Variants in AZIN2 observed in about 807,000 individuals in gnomAD.
AZIN2 encodes the protein antizyme inhibitor 2.
A neutral mutation model predicts 47.8 loss-of-function variants in AZIN2; 28 were observed. The observed-to-expected ratio is 0.59, with a 90% CI of 0.43 to 0.80. The LOEUF (loss-of-function observed/expected upper bound fraction) is 0.80. Among genes scored for constraint, AZIN2 ranks in the 30% least tolerant of loss-of-function variants. The pLI, the probability that AZIN2 is intolerant of heterozygous loss-of-function variation, is 0.00. For synonymous variants in AZIN2, 221 were observed against 239.4 expected (o/e 0.92, Z 0.71); for missense variants, 535 against 582.5 (o/e 0.92, Z 0.84).
At chr1:33,101,003 A>G (rs915037625) in intron 10 of AZIN2, among the ~76,000 whole-genome samples, 2 of 152,070 alleles carry the variant, frequency 1.3e-5, no homozygotes, top group African/African-American at 4.8e-5. Flanking sequence ...CTGGGATTAC[A>G]GGTGTGTGCC....
chr1:33,097,580 C>T (rs1643291862), intron 9 of AZIN2, among the ~76,000 whole-genome samples: 1 of 152,172 alleles, frequency 6.6e-6, no homozygotes, highest in Non-Finnish European at 1.5e-5. Flanking sequence ...CGCTTTTCCC[C>T]AGAGAGAATT....
intron 10 of AZIN2, 92 bp downstream of exon 10, chr1:33,098,271 CAT>C (rs547527408): frequency 1.0e-5 from 10 of 957,688 alleles, no homozygotes; most frequent in Non-Finnish European, 1.5e-5. Context: ...AAAAGTCAAA[CAT>C]ATTTATTGTC....
the AZIN2 span, chr1:33,141,922 A>C: frequency 1.3e-5 from 2 of 153,826 alleles, no homozygotes; most frequent in Non-Finnish European, 2.9e-5. Flanking sequence ...ACAAAGAAAA[A>C]TGAACACATT....
the AZIN2 span, among the ~76,000 whole-genome samples, chr1:33,148,678 A>G: frequency 6.6e-6 from 1 of 152,236 alleles, no homozygotes. Flanking sequence ...GTATCTATGT[A>G]CATATACACA....
chr1:33,095,668 G>A (rs1225721953), intron 8 of AZIN2, among the ~76,000 whole-genome samples: 1 of 151,784 alleles, frequency 6.6e-6, no homozygotes, highest in African/African-American at 2.4e-5. Flanking sequence ...TAGGAGCACC[G>A]ACCCCCTACA....
the AZIN2 span, among the ~76,000 whole-genome samples, chr1:33,161,341 T>C: frequency 2.6e-5 from 4 of 152,154 alleles, no homozygotes; most frequent in African/African-American, 9.7e-5. The surrounding 1 kb of genome is among the most constrained non-coding windows in gnomAD (Gnocchi z 4.3). Flanking sequence ...ACACGGGCTA[T>C]AGAAGTGCGG....
At position 33,082,232 on chromosome 1, in the gene AZIN2, C is replaced by G. The variant is rs1316513901; in HGVS notation, c.-18C>G. 1 of 1,608,750 alleles carries G rather than the reference C, an allele frequency of 6.2e-7. No homozygotes were observed. The highest frequency in any genetic ancestry group is 1.3e-5 in the African/African-American group (1 of 74,844). ...GCAGCAGCGGCTCCATCCAGCCCGT[C>G]AGCTCCTCCTGCAAGGCATGGCTGG... is the stretch of plus-strand genomic sequence containing the variant. On this transcript the variant is annotated 5_prime_UTR_variant, in exon 4 of 12. Transcript: ENST00000294517.
the AZIN2 span, chr1:33,146,751 G>A: frequency 9.8e-6 from 2 of 205,022 alleles, no homozygotes; most frequent in East Asian, 2.4e-4. Context: ...CTTGGTCAGG[G>A]GTAAGTCTTA....
the AZIN2 span, among the ~76,000 whole-genome samples, chr1:33,129,084 G>A: frequency 3.3e-5 from 5 of 152,178 alleles, no homozygotes; most frequent in Admixed American, 6.5e-5. This position sits in a 1 kb window ranked among gnomAD's most constrained non-coding sequence, Gnocchi z 4.1. Flanking sequence ...GGGCACTGGC[G>A]TGTACAAGGG....
intron 5 of AZIN2, among the ~76,000 whole-genome samples, chr1:33,085,253 A>G (rs1245777666): frequency 6.6e-6 from 1 of 152,162 alleles, no homozygotes; most frequent in African/African-American, 2.4e-5. Flanking sequence ...AAAAGATGAA[A>G]TAAAGAAAAT....
the AZIN2 span, chr1:33,159,933 C>T: frequency 1.9e-6 from 3 of 1,604,212 alleles, no homozygotes; most frequent in Non-Finnish European, 2.5e-6. This position sits in a 1 kb window ranked among gnomAD's most constrained non-coding sequence, Gnocchi z 4.2. Context: ...TCCGCAGGCT[C>T]TTGGTGGAAG....
the AZIN2 span, among the ~76,000 whole-genome samples, chr1:33,153,283 C>T: frequency 7.2e-5 from 11 of 152,332 alleles, 1 homozygote; most frequent in East Asian, 2.1e-3. Context: ...CCCAGCCAAC[C>T]AGGCTGCTGC....
At chr1:33,124,403 T>TA (rs1557737122), downstream of AZIN2, among the ~76,000 whole-genome samples, 2 of 141,682 alleles carry the variant, frequency 1.4e-5, no homozygotes, top group South Asian at 4.8e-4. The surrounding 1 kb of genome is among the most constrained non-coding windows in gnomAD (Gnocchi z 4.6). Flanking sequence ...GTATTCAAAA[T>TA]AAAAAAAAGA....
rs575429406 is a variant in AZIN2, at chr1:33,121,392, G to A, written c.*1210G>A. 8.2e-4 allele frequency among the ~76,000 whole-genome samples: 125 copies of A among 152,104 alleles called. 1 individual carries two copies. The highest frequency in any genetic ancestry group is 1.4e-3 in the Non-Finnish European group (98 of 67,974). On this transcript the variant is annotated 3_prime_UTR_variant, in exon 12 of 12. Coordinates refer to ENST00000294517, the MANE Select transcript of AZIN2 (RefSeq NM_052998.4). ...AGCCTGGCCAACATGGCAAAACCCC[G>A]TCTCTACTAAAAATACAAAAATTAG...
chr1:33,121,130 C>A lies in AZIN2; in HGVS notation c.*948C>A, dbSNP rs1644785560. On this transcript the variant is annotated 3_prime_UTR_variant, in exon 12 of 12. Coordinates refer to ENST00000294517, the MANE Select transcript of AZIN2 (RefSeq NM_052998.4). ...CACACTGCCGGGTTCCCAAATTATG[C>A]CCCGGGGTGTGTGAGCTGTTGAGCA... 6.6e-6 allele frequency among the ~76,000 whole-genome samples: 1 copy of A among 152,134 alleles called. No individual in the cohort carries two copies. The highest frequency in any genetic ancestry group is 2.4e-5 in the African/African-American group (1 of 41,426).
At chr1:33,087,472 T>G (rs2124482269) in intron 5 of AZIN2, among the ~76,000 whole-genome samples, 1 of 151,114 alleles carries the variant, frequency 6.6e-6, no homozygotes, top group Admixed American at 6.6e-5. Context: ...AGTCTTGCTC[T>G]GTTGCCCAGG....
chr1:33,128,558 T>G, the AZIN2 span, among the ~76,000 whole-genome samples: 1 of 152,234 alleles, frequency 6.6e-6, no homozygotes, highest in Non-Finnish European at 1.5e-5. Flanking sequence ...CTGCCTAATC[T>G]GAATCTCAAT....
At position 33,113,029 on chromosome 1, in the gene AZIN2, A is replaced by G. The variant is rs1028758723; in HGVS notation, c.1030-4873A>G. ...CGCTCTGTTGCCCAGGCTGGAGTGCAGTGGTGCAATATCAGCTCACTGCAA... is the reference window on the plus strand; with the variant it reads ...CGCTCTGTTGCCCAGGCTGGAGTGCGGTGGTGCAATATCAGCTCACTGCAA... On this transcript the variant is annotated intron_variant, in intron 10 of 11. Transcript: ENST00000294517. The surrounding 1 kb of genome is among the most constrained non-coding windows in gnomAD (Gnocchi z 4.1). 6.6e-6 allele frequency among the ~76,000 whole-genome samples: 1 copy of G among 152,112 alleles called. No individual in the cohort carries two copies. The highest frequency in any genetic ancestry group is 1.5e-5 in the Non-Finnish European group (1 of 68,014).
intron 8 of AZIN2, among the ~76,000 whole-genome samples, chr1:33,095,998 C>T (rs1471562078): frequency 6.6e-6 from 1 of 152,024 alleles, no homozygotes; most frequent in East Asian, 1.9e-4. Flanking sequence ...CCACCATGCT[C>T]AGCTATTTTT....
Sources: allele counts gnomAD v4.1 joint callset (sites outside exome capture counted in the v4.1 genomes callset), GRCh38; gene constraint gnomAD v4.1.1; non-coding constraint Gnocchi (gnomAD v3.1); transcripts MANE v1.5; gene names NCBI Gene and HGNC (gene_info 2026-07-23, HGNC 2026-07-21).